Variants in OSBPL6 observed in about 807,000 individuals in gnomAD.
The protein encoded by OSBPL6 is oxysterol binding protein like 6, also known as oxysterol-binding protein-related protein 6.
OSBPL6 carries 49 observed loss-of-function variants against 125.8 expected under a neutral mutation model. That is an observed-to-expected ratio of 0.39 (90% confidence interval 0.31 to 0.49). The LOEUF (loss-of-function observed/expected upper bound fraction) is 0.49, where lower values mean the gene tolerates loss of function less well. Among genes scored for constraint, OSBPL6 ranks in the 20% least tolerant of loss-of-function variants. The pLI is 0.88. For synonymous variants in OSBPL6, 394 were observed against 391.8 expected (o/e 1.01, Z -0.07); for missense variants, 986 against 1,135.4 (o/e 0.87, Z 1.89).
chr2:178,336,497 A>T, intron 9 of OSBPL6, 64 bp downstream of exon 9: 1 of 1,580,362 alleles, frequency 6.3e-7, no homozygotes, highest in Non-Finnish European at 8.6e-7. Context: ...AAACCCGAAG[A>T]GGTCAATTAT....
chr2:178,385,930 A>C (rs1335245233), intron 19 of OSBPL6, among the ~76,000 whole-genome samples: 1 of 152,192 alleles, frequency 6.6e-6, no homozygotes, highest in Non-Finnish European at 1.5e-5. Flanking sequence ...ATCTAAATAG[A>C]TATGCAAACA....
intron 1 of OSBPL6, among the ~76,000 whole-genome samples, chr2:178,261,802 CT>C (rs1400172521): frequency 6.6e-6 from 1 of 152,136 alleles, no homozygotes; most frequent in Non-Finnish European, 1.5e-5. Flanking sequence ...GTTGACCTTT[CT>C]TCAACTATTT....
intron 2 of OSBPL6, among the ~76,000 whole-genome samples, chr2:178,286,486 G>A (rs1290573635): frequency 6.6e-6 from 1 of 152,178 alleles, no homozygotes; most frequent in Non-Finnish European, 1.5e-5. Flanking sequence ...TATATAAAAT[G>A]TATGAGCTTT....
rs1209378296 is a variant in OSBPL6 at position 178,401,121 on chromosome 2, C to T, written c.*5562C>T. On this transcript the variant is annotated 3_prime_UTR_variant, in exon 25 of 25. Transcript: ENST00000190611. The stretch of plus-strand genomic sequence containing the variant: ...GTGATGTAACACCACTTGGTGGTGG[C>T]GCTGAGGAAACCCTGGGAAGTGTTT... 1.3e-5 allele frequency: 2 copies of T among 152,166 alleles called. No homozygotes were observed. The highest frequency in any genetic ancestry group is 6.5e-5 in the Admixed American group (1 of 15,284). The allele number at this position is 152,166 out of a possible 1,614,324, so 9.4% of individuals were successfully genotyped here. A position where few individuals can be genotyped will look rare whatever the true frequency, so the allele number is the denominator to read the frequency against.
At chr2:178,195,898 TGTA>T (rs1472531255) in intron 1 of OSBPL6, among the ~76,000 whole-genome samples, 1 of 152,160 alleles carries the variant, frequency 6.6e-6, no homozygotes, top group Admixed American at 6.5e-5. Flanking sequence ...GATTAGGAAA[TGTA>T]GTCTTCACAA....
intron 13 of OSBPL6, among the ~76,000 whole-genome samples, chr2:178,362,827 ATGC>A (rs1692475780): frequency 6.6e-6 from 1 of 152,204 alleles, no homozygotes; most frequent in South Asian, 2.1e-4. Flanking sequence ...TGAGGGGCAT[ATGC>A]TGCTTCCAGT....
intron 2 of OSBPL6, among the ~76,000 whole-genome samples, chr2:178,297,155 C>G (rs970453848): frequency 1.3e-5 from 2 of 150,644 alleles, no homozygotes; most frequent in Admixed American, 1.3e-4. Flanking sequence ...TCTGGCAGGC[C>G]TTTTTTTTTA....
chr2:178,204,025 C>CTTTTTTTTTTTTTTTTTTT (rs1166160655), intron 1 of OSBPL6, among the ~76,000 whole-genome samples: 2 of 129,006 alleles, frequency 1.6e-5, no homozygotes, highest in African/African-American at 5.9e-5. Flanking sequence ...TTTTCTTTTT[C>CTTTTTTTTTTTTTTTTTTT]TTTTTTTTTT....
chr2:178,198,621 A>AATAT (rs1396598662), intron 1 of OSBPL6, among the ~76,000 whole-genome samples: 1 of 139,662 alleles, frequency 7.2e-6, no homozygotes, highest in African/African-American at 2.9e-5. Flanking sequence ...CCATCTCATA[A>AATAT]ATAAATAAAT....
rs1417132436 is a variant in OSBPL6 at position 178,391,168 on chromosome 2, AG to A, written c.2399del (p.Gly800AspfsTer39). 6.2e-7 allele frequency: 1 copy of A among 1,613,844 alleles called. No homozygotes were observed. The highest frequency in any genetic ancestry group is 1.3e-5 in the African/African-American group (1 of 74,904). On this transcript the variant is annotated frameshift_variant, in exon 22 of 25. Transcript: ENST00000190611. LOFTEE classifies it high-confidence loss of function. ...ACCGGCTGTTTGGAAAGTGGCATGAAGGACTCTACTGTGGTGTGGCCCCCTC... is the reference window on the plus strand; with the variant it reads ...ACCGGCTGTTTGGAAAGTGGCATGAAGACTCTACTGTGGTGTGGCCCCCTC... ...VYRLFGKWHE[G>X]LYCGVAPSAK...
intron 1 of OSBPL6, among the ~76,000 whole-genome samples, chr2:178,206,884 G>A (rs1429806834): frequency 6.6e-6 from 1 of 152,024 alleles, no homozygotes; most frequent in Non-Finnish European, 1.5e-5. Flanking sequence ...CAAAGTGCTG[G>A]GATTACAGAT....
chr2:178,323,145 C>G (rs927462245), intron 3 of OSBPL6, among the ~76,000 whole-genome samples: 3 of 152,042 alleles, frequency 2.0e-5, no homozygotes, highest in Admixed American at 2.0e-4. Flanking sequence ...TGCAAAATTC[C>G]GCTTTAGAAA....
intron 12 of OSBPL6, among the ~76,000 whole-genome samples, chr2:178,360,686 G>GA (rs1168929844): frequency 6.6e-6 from 1 of 152,082 alleles, no homozygotes; most frequent in African/African-American, 2.4e-5. Flanking sequence ...AACTTTTTTG[G>GA]AAGCGTTATT....
In OSBPL6 at chr2:178,315,021, T is replaced by C. The variant is rs113703618; in HGVS notation, c.102+8735T>C. Among the ~76,000 whole-genome samples the C allele has an allele frequency of 2.0e-3, 305 of 152,360 alleles. 1 individual carries two copies. Among genetic ancestry groups the C allele is most frequent in the African/African-American group, 6.9e-3 (288 of 41,570 alleles). On this transcript the variant is annotated intron_variant, in intron 3 of 24. Transcript: ENST00000190611. ...AGTAATTTTTCACATCCTTGATGGCTTGGGAAACTGTAAATCAAATGGTAC... is the reference window on the plus strand; with the variant it reads ...AGTAATTTTTCACATCCTTGATGGCCTGGGAAACTGTAAATCAAATGGTAC...
At chr2:178,213,835 G>C (rs1414453404) in intron 1 of OSBPL6, among the ~76,000 whole-genome samples, 5 of 152,104 alleles carry the variant, frequency 3.3e-5, no homozygotes, top group African/African-American at 4.8e-5. Flanking sequence ...CTTTGCACAT[G>C]TGTCTGCTGT....
rs540881760 is a variant in OSBPL6, at chr2:178,276,949, A to G, written c.-350-7978A>G. 3.3e-5 allele frequency among the ~76,000 whole-genome samples: 5 copies of G among 152,282 alleles called. No individual in the cohort carries two copies. The East Asian group carries it at 5.8e-4, about 18-fold the overall frequency. On this transcript the variant is annotated intron_variant, in intron 1 of 24. Transcript: ENST00000190611. The stretch of plus-strand genomic sequence containing the variant: ...TGCAGTAGGTGCCCACCACTTTTTT[A>G]TAAGTAAGGTTTTGCTGGAACACAG...
rs773402903 is a variant in OSBPL6, at chr2:178,336,407, C to T, written c.764C>T (p.Ser255Leu). ...AAAGTGGCAGCCTGGTTACAGGACTCGGAAGAGATGGACAGGTGTGCAGAA... is the reference window on the plus strand; with the variant it reads ...AAAGTGGCAGCCTGGTTACAGGACTTGGAAGAGATGGACAGGTGTGCAGAA... Reference protein sequence around the residue: ...QSKVAAWLQDSEEMDRCAEDL... With the variant: ...QSKVAAWLQDLEEMDRCAEDL... The change falls in exon 9 of 25, where the codon TCG (serine) becomes TTG (leucine). Residue 255 changes from serine (S) to leucine (L), a missense_variant. Physicochemically the swap from Ser to Leu is moderately radical, Grantham distance 145 (BLOSUM62 -2). Coordinates refer to ENST00000190611, the MANE Select transcript of OSBPL6 (RefSeq NM_032523.4). 2.2e-5 allele frequency: 36 copies of T among 1,613,940 alleles called. No individual in the cohort carries two copies. Among genetic ancestry groups the T allele is most frequent in the Non-Finnish European group, 2.8e-5 (33 of 1,180,004 alleles).
chr2:178,381,791 G>A (rs1694501609), intron 15 of OSBPL6, among the ~76,000 whole-genome samples: 1 of 152,186 alleles, frequency 6.6e-6, no homozygotes, highest in Admixed American at 6.5e-5. Flanking sequence ...CTAACTCTTA[G>A]GATTGTATAT....
chr2:178,287,084 C>A (rs1258490996), intron 2 of OSBPL6, among the ~76,000 whole-genome samples: 2 of 151,086 alleles, frequency 1.3e-5, no homozygotes, highest in African/African-American at 4.9e-5. Context: ...CATTTCTGTG[C>A]CTGCATTAGC....
Sources: allele counts gnomAD v4.1 joint callset (sites outside exome capture counted in the v4.1 genomes callset), GRCh38; gene constraint gnomAD v4.1.1; transcripts MANE v1.5; gene names NCBI Gene and HGNC (gene_info 2026-07-23, HGNC 2026-07-21).